PCGF3: variants seen among roughly 807,000 people sequenced by gnomAD.
PCGF3 encodes the protein polycomb group ring finger 3.
In PCGF3, 7 loss-of-function variants were observed where a neutral mutation model predicts 33.1. That is an observed-to-expected ratio of 0.21 (90% CI 0.12 to 0.40). PCGF3 has a LOEUF of 0.40. Among genes scored for constraint, PCGF3 ranks in the 10% least tolerant of loss-of-function variants. The pLI, the probability that PCGF3 is intolerant of heterozygous loss-of-function variation, is 1.00. For missense variants in PCGF3, 211 were observed against 313.3 expected (o/e 0.67, Z 2.46); for synonymous variants, 153 against 121.3 (o/e 1.26, Z -1.72).
At chr4:741,940 C>T (rs1233188866) in intron 6 of PCGF3, among the ~76,000 whole-genome samples, 1 of 152,190 alleles carries the variant, frequency 6.6e-6, no homozygotes, top group Non-Finnish European at 1.5e-5. Context: ...CTCCTGCTGT[C>T]AGCCCCTGTC....
intron 8 of PCGF3, among the ~76,000 whole-genome samples, chr4:752,667 G>A (rs1475853843): frequency 2.6e-5 from 4 of 152,218 alleles, no homozygotes; most frequent in Non-Finnish European, 4.4e-5. Context: ...CAGTCTTGGG[G>A]ATACAGGGGC....
At position 737,428 on chromosome 4, in the gene PCGF3, C is replaced by G. The variant is rs1743883080; in HGVS notation, c.207-38C>G. On this transcript the variant is annotated intron_variant, in intron 5 of 10. Transcript: ENST00000362003. ...AAGTGTACAAGAATTATAGAATTAA[C>G]ATTTCCAGCTAACTCCACCTTTCTG... 3 of 1,378,536 alleles carry G rather than the reference C, an allele frequency of 2.2e-6. No homozygotes were observed. In the East Asian group the frequency reaches 6.9e-5, roughly 32 times the overall value. 85.4% of individuals were successfully genotyped at this position (1,378,536 alleles called of 1,614,324 possible).
At chr4:723,478 G>A (rs1179089496) in intron 1 of PCGF3, among the ~76,000 whole-genome samples, 5 of 152,186 alleles carry the variant, frequency 3.3e-5, no homozygotes, top group Non-Finnish European at 7.3e-5. Flanking sequence ...AGAGGAGGGG[G>A]TGGGCTTGGC....
chr4:732,362 C>CTCCCTTCTCCTTCCCCTCCCCTCCCT (rs1743627077), intron 3 of PCGF3: 1 of 157,152 alleles, frequency 6.4e-6, no homozygotes, highest in Non-Finnish European at 1.4e-5. Context: ...TTCCCCTCCC[C>CTCCCTTCTCCTTCCCCTCCCCTCCCT]TCCCTTCTCC....
intron 1 of PCGF3, among the ~76,000 whole-genome samples, chr4:722,025 T>C (rs1307453622): frequency 6.6e-6 from 1 of 152,036 alleles, no homozygotes; most frequent in Non-Finnish European, 1.5e-5. Flanking sequence ...GGCAGCTCCT[T>C]CGTTGCAGAA....
intron 3 of PCGF3, chr4:731,427 T>C (rs1433155028): frequency 1.1e-5 from 4 of 363,592 alleles, no homozygotes; most frequent in Non-Finnish European, 1.5e-5. Flanking sequence ...GCCCAGTGAG[T>C]TGTGAGGCGG....
intron 1 of PCGF3, chr4:722,314 G>C (rs1743115157): frequency 1.1e-5 from 2 of 177,404 alleles, no homozygotes; most frequent in South Asian, 2.3e-4. Context: ...CCAGACGGCT[G>C]TGTGCTGCAG....
chr4:731,273 C>A, intron 3 of PCGF3, 163 bp downstream of exon 3: 1 of 398,322 alleles, frequency 2.5e-6, no homozygotes, highest in Admixed American at 4.4e-5. Flanking sequence ...TGTGAGAGTC[C>A]AAGGTCCAGC....
chr4:751,110 A>G (rs1744492214), intron 8 of PCGF3, among the ~76,000 whole-genome samples: 1 of 151,770 alleles, frequency 6.6e-6, no homozygotes, highest in Non-Finnish European at 1.5e-5. Context: ...TCTCTGCTCT[A>G]ATGGTTTGGG....
chr4:712,234 A>G (rs1742601095), intron 1 of PCGF3, among the ~76,000 whole-genome samples: 1 of 152,252 alleles, frequency 6.6e-6, no homozygotes, highest in Non-Finnish European at 1.5e-5. Flanking sequence ...TTCTCCCGAC[A>G]GAACTGAATT....
rs570085817 is a variant in PCGF3 at position 707,276 on chromosome 4, A to G, written c.-190+1306A>G. 4.3e-4 allele frequency among the ~76,000 whole-genome samples: 66 copies of G among 152,212 alleles called. 1 individual carries two copies. The highest frequency in any genetic ancestry group is 1.3e-3 in the African/African-American group (55 of 41,536). ...GGAGGGCCAGACGTAGGGACCAGGC[A>G]GAATCCAAAGAATGCCAGGACCCCA... On this transcript the variant is annotated intron_variant, in intron 1 of 10. Coordinates refer to ENST00000362003, the Ensembl canonical transcript of PCGF3.
rs574079390 is a variant in PCGF3 at position 725,384 on chromosome 4, C to T, written c.-189-5246C>T. Among the ~76,000 whole-genome samples the T allele has an allele frequency of 2.4e-4, 36 of 152,318 alleles. No individual in the cohort carries two copies. In the South Asian group the frequency reaches 4.8e-3, roughly 20 times the overall value. On this transcript the variant is annotated intron_variant, in intron 1 of 10. Transcript: ENST00000362003. ...ACCTAATGAGAAGTTGTGGACTAGA[C>T]GTGGGGTGTGTAGGCTGCTGGGAGG...
chr4:734,955 A>T, exon 5 of PCGF3: 1 of 1,613,734 alleles, frequency 6.2e-7, no homozygotes, highest in Non-Finnish European at 8.5e-7. Flanking sequence ...CTGGTGAAGT[A>T]CCTGGAGGAG....
At chr4:739,873 T>G (rs1560208039) in intron 6 of PCGF3, among the ~76,000 whole-genome samples, 1 of 152,248 alleles carries the variant, frequency 6.6e-6, no homozygotes, top group South Asian at 2.1e-4. Context: ...TGCTCCAGAT[T>G]GACACCCCCA....
chr4:742,641 C>T (rs1406238086), intron 6 of PCGF3, among the ~76,000 whole-genome samples: 2 of 152,194 alleles, frequency 1.3e-5, no homozygotes, highest in South Asian at 2.1e-4. Flanking sequence ...CTGGAACCTG[C>T]GAGGTTCTGG....
rs1240645592 is a variant in PCGF3 at position 730,832 on chromosome 4, C to T, written c.-150-138C>T. The T allele has an allele frequency of 1.0e-5, 4 of 393,510 alleles. No individual in the cohort carries two copies. In the East Asian group the frequency reaches 1.4e-4, roughly 14 times the overall value. The allele number at this position is 393,510 out of a possible 1,614,324, so 24.4% of individuals were successfully genotyped here. Reference sequence around the variant, plus strand: ...ATGCGTGGGTCCTTAGCTTTTCTCCCGGTCAGTACTTCTGATTGACCCCAT... The same window carrying T: ...ATGCGTGGGTCCTTAGCTTTTCTCCTGGTCAGTACTTCTGATTGACCCCAT... On this transcript the variant is annotated intron_variant, in intron 2 of 10. Transcript: ENST00000362003.
chr4:749,519 C>G (rs551253483), intron 8 of PCGF3, among the ~76,000 whole-genome samples: 1 of 104,968 alleles, frequency 9.5e-6, no homozygotes, highest in African/African-American at 3.9e-5. Flanking sequence ...CTCACTTTGT[C>G]GCCAGGCTGG....
rs1743078503 is a variant in PCGF3 at position 721,576 on chromosome 4, C to A, written c.-189-9054C>A. Among the ~76,000 whole-genome samples, 1 of 152,044 alleles carries A rather than the reference C, an allele frequency of 6.6e-6. No homozygotes were observed. The highest frequency in any genetic ancestry group is 1.5e-5 in the Non-Finnish European group (1 of 67,964). ...GGCAGAGTGCACTCGCTGGGGGTCA[C>A]CCTGCCCCCCAGGACTCCTTTCACA... is the stretch of plus-strand genomic sequence containing the variant. On this transcript the variant is annotated intron_variant, in intron 1 of 10. Coordinates refer to ENST00000362003, the Ensembl canonical transcript of PCGF3. This position sits in a 1 kb window ranked among gnomAD's most constrained non-coding sequence, Gnocchi z 4.1.
At chr4:737,367 G>T in intron 5 of PCGF3, 99 bp from the exon 6 acceptor site, 2 of 816,570 alleles carry the variant, frequency 2.4e-6, no homozygotes, top group South Asian at 1.5e-5. Context: ...CAAAGCTCCA[G>T]ACTGGTGATT....
Sources: gnomAD v4.1 joint callset for allele counts (sites outside exome capture counted in the v4.1 genomes callset) on GRCh38, gnomAD v4.1.1 for gene constraint, Gnocchi (gnomAD v3.1) non-coding constraint, MANE v1.5 for transcripts, NCBI Gene and HGNC (gene_info 2026-07-23, HGNC 2026-07-21) for gene names.